ARB2A: variants seen among roughly 807,000 people sequenced by gnomAD.
ARB2A encodes cotranscriptional regulator ARB2A.
At chr5:94,002,836 C>T in the ARB2A span, among the ~76,000 whole-genome samples, 1 of 151,930 alleles carries the variant, frequency 6.6e-6, no homozygotes, top group Non-Finnish European at 1.5e-5. Context: ...GCAGCAGGAT[C>T]GAGTCCAGCA....
the ARB2A span, among the ~76,000 whole-genome samples, chr5:94,023,515 G>A: frequency 6.6e-6 from 1 of 152,218 alleles, no homozygotes; most frequent in Non-Finnish European, 1.5e-5. Flanking sequence ...AAGGGGTGAA[G>A]TCATGTTTGC....
the ARB2A span, among the ~76,000 whole-genome samples, chr5:93,994,169 T>C: frequency 7.2e-5 from 11 of 152,164 alleles, no homozygotes; most frequent in South Asian, 1.5e-3. Context: ...TCTGGGTATA[T>C]ATCCAAAAGA....
the ARB2A span, among the ~76,000 whole-genome samples, chr5:93,766,924 C>A: frequency 1.3e-5 from 2 of 151,508 alleles, no homozygotes; most frequent in African/African-American, 4.8e-5. Flanking sequence ...TTATTCTCAG[C>A]AAACTCTCGC....
At chr5:93,679,079 A>G in the ARB2A span, among the ~76,000 whole-genome samples, 1 of 152,214 alleles carries the variant, frequency 6.6e-6, no homozygotes, top group South Asian at 2.1e-4. Context: ...ATGAAAATAA[A>G]AGCATAAAGT....
At chr5:93,867,634 A>T in the ARB2A span, among the ~76,000 whole-genome samples, 1 of 151,826 alleles carries the variant, frequency 6.6e-6, no homozygotes, top group African/African-American at 2.4e-5. Flanking sequence ...GTCAGGATGG[A>T]CTCGATCTCT....
chr5:93,912,194 G>A, the ARB2A span, among the ~76,000 whole-genome samples: 1 of 151,634 alleles, frequency 6.6e-6, no homozygotes, highest in Non-Finnish European at 1.5e-5. Flanking sequence ...GGCACTTAGT[G>A]AGCAGAATTC....
At chr5:93,826,590 G>GT in the ARB2A span, among the ~76,000 whole-genome samples, 7 of 151,774 alleles carry the variant, frequency 4.6e-5, no homozygotes, top group Non-Finnish European at 7.4e-5. Flanking sequence ...CTTTTAAAAT[G>GT]TTTTTTTAAT....
the ARB2A span, among the ~76,000 whole-genome samples, chr5:93,866,378 C>A: frequency 6.6e-6 from 1 of 152,132 alleles, no homozygotes; most frequent in African/African-American, 2.4e-5. Context: ...CTTTTAGGTG[C>A]AAGCCTAAAT....
the ARB2A span, chr5:93,881,722 A>C: frequency 7.3e-7 from 1 of 1,378,784 alleles, no homozygotes; most frequent in Non-Finnish European, 9.6e-7. Flanking sequence ...GCATAATTTA[A>C]ATCTTATAAT....
chr5:93,697,006 G>A, the ARB2A span, among the ~76,000 whole-genome samples: 2 of 145,380 alleles, frequency 1.4e-5, no homozygotes, highest in Admixed American at 7.0e-5. Context: ...GGGTTGCAGT[G>A]AGTCGAGATT....
At chr5:93,946,635 C>T in the ARB2A span, among the ~76,000 whole-genome samples, 3 of 151,934 alleles carry the variant, frequency 2.0e-5, no homozygotes, top group Non-Finnish European at 4.4e-5. Flanking sequence ...AATATGGATA[C>T]AATGAGTATA....
chr5:94,053,466 TA>T, the ARB2A span, among the ~76,000 whole-genome samples: 4 of 152,164 alleles, frequency 2.6e-5, no homozygotes, highest in Non-Finnish European at 5.9e-5. Context: ...TATACACCAT[TA>T]TATTTAACTT....
At chr5:93,891,672 T>C in the ARB2A span, among the ~76,000 whole-genome samples, 1 of 152,120 alleles carries the variant, frequency 6.6e-6, no homozygotes, top group Admixed American at 6.6e-5. Context: ...GAAACCTTAT[T>C]ATGAGTAACT....
At chr5:93,781,689 TG>T in the ARB2A span, among the ~76,000 whole-genome samples, 1 of 145,278 alleles carries the variant, frequency 6.9e-6, no homozygotes, top group Middle Eastern at 3.7e-3. Flanking sequence ...TGCCAACATC[TG>T]TTTTTTTTTT....
the ARB2A span, among the ~76,000 whole-genome samples, chr5:93,912,239 C>T: frequency 6.6e-6 from 1 of 151,684 alleles, no homozygotes; most frequent in Non-Finnish European, 1.5e-5. Flanking sequence ...CTGCAGTAAA[C>T]TCATCAATTT....
the ARB2A span, chr5:93,741,467 T>C: frequency 6.2e-7 from 1 of 1,613,430 alleles, no homozygotes; most frequent in Non-Finnish European, 8.5e-7. Flanking sequence ...CTCAACCAGG[T>C]CAGAGTGTCA....
At chr5:94,004,007 T>C in the ARB2A span, among the ~76,000 whole-genome samples, 1 of 152,168 alleles carries the variant, frequency 6.6e-6, no homozygotes, top group Non-Finnish European at 1.5e-5. Context: ...ATCAATAGAA[T>C]ATAATTAAAA....
At chr5:93,723,076 A>C in the ARB2A span, among the ~76,000 whole-genome samples, 1 of 152,126 alleles carries the variant, frequency 6.6e-6, no homozygotes, top group Non-Finnish European at 1.5e-5. Context: ...TTGTGACAAG[A>C]GCTTTCAAAT....
chr5:93,906,912 C>T, the ARB2A span, among the ~76,000 whole-genome samples: 1 of 151,574 alleles, frequency 6.6e-6, no homozygotes, highest in South Asian at 2.1e-4. Context: ...ACTTATGCTG[C>T]ATAATTCTCC....
Sources: allele counts gnomAD v4.1 joint callset (sites outside exome capture counted in the v4.1 genomes callset), GRCh38; gene constraint gnomAD v4.1.1; transcripts MANE v1.5; gene names NCBI Gene and HGNC (gene_info 2026-07-23, HGNC 2026-07-21).